Variants in PPFIBP2 observed in about 807,000 individuals in gnomAD.
PPFIBP2 encodes PPFIB scaffold protein 2.
In PPFIBP2, 118 loss-of-function variants were observed where a neutral mutation model predicts 118.3. That is an observed-to-expected ratio of 1.00 (90% CI 0.86 to 1.16). The LOEUF (loss-of-function observed/expected upper bound fraction) is 1.16, where lower values mean the gene tolerates loss of function less well. Among genes scored for constraint, PPFIBP2 ranks in the 50% most tolerant of loss-of-function variants. The pLI, the probability that PPFIBP2 is intolerant of heterozygous loss-of-function variation, is 0.00. For synonymous variants in PPFIBP2, 414 were observed against 397.4 expected (o/e 1.04, Z -0.50); for missense variants, 1,195 against 1,073.1 (o/e 1.11, Z -1.59).
intron 5 of PPFIBP2, among the ~76,000 whole-genome samples, chr11:7,603,343 A>T (rs1846909394): frequency 6.6e-6 from 1 of 152,190 alleles, no homozygotes. Context: ...GTTCAGAGAG[A>T]TGATTGAGTT....
chr11:7,637,205 GTCT>G lies in PPFIBP2; in HGVS notation c.1236+1617_1236+1619del, dbSNP rs1239890165. Reference sequence around the variant, plus strand: ...CACAAGCCTTTTAAGCTGCTACTTAGTCTTCTTAGGCTCAGCGCTAGTTTCTCA... The same window carrying G: ...CACAAGCCTTTTAAGCTGCTACTTAGTCTTAGGCTCAGCGCTAGTTTCTCA... On this transcript the variant is annotated intron_variant, in intron 14 of 23. Coordinates refer to ENST00000299492, the MANE Select transcript of PPFIBP2 (RefSeq NM_003621.5). Among the ~76,000 whole-genome samples, 5 of 152,264 alleles carry G rather than the reference GTCT, an allele frequency of 3.3e-5. No individual in the cohort carries two copies. The East Asian group carries it at 9.7e-4, about 29-fold the overall frequency.
At chr11:7,604,130 G>C (rs546657377) in intron 5 of PPFIBP2, among the ~76,000 whole-genome samples, 50 of 152,278 alleles carry the variant, frequency 3.3e-4, no homozygotes, top group African/African-American at 1.2e-3. Context: ...GTGAGAATGA[G>C]ATTAAGGGCT....
chr11:7,582,026 T>C (rs1237174929), intron 3 of PPFIBP2, among the ~76,000 whole-genome samples: 1 of 151,966 alleles, frequency 6.6e-6, no homozygotes, highest in Non-Finnish European at 1.5e-5. Context: ...TTAGTAGAGA[T>C]GGGGTTTTGC....
intron 5 of PPFIBP2, among the ~76,000 whole-genome samples, chr11:7,607,036 CA>C (rs1365865975): frequency 6.7e-6 from 1 of 149,164 alleles, no homozygotes; most frequent in Admixed American, 6.7e-5. Flanking sequence ...TCAGCCTCCC[CA>C]GTAGCTGGGA....
the PPFIBP2 span, among the ~76,000 whole-genome samples, chr11:7,662,160 ATTG>A: frequency 2.0e-5 from 3 of 150,234 alleles, no homozygotes; most frequent in African/African-American, 7.3e-5. Flanking sequence ...TAAAGTTAAT[ATTG>A]TTATGTGTGA....
At position 7,625,868 on chromosome 11, in the gene PPFIBP2, A is replaced by G. The variant is rs1409077325; in HGVS notation, c.803A>G (p.His268Arg). 3.1e-6 allele frequency: 5 copies of G among 1,614,096 alleles called. No homozygotes were observed. The highest frequency in any genetic ancestry group is 4.2e-6 in the Non-Finnish European group (5 of 1,180,012). ...HSQLSRTAAL[H>R]SESHTERDQE... ...CAGCTCTCCCGGACAGCAGCTCTCC[A>G]CAGTGAGAGTCACACAGAGAGAGGT... Residue 268 changes from histidine (H) to arginine (R), a missense_variant, in exon 8 of 24, where the codon CAC becomes CGC. His to Arg is a conservative substitution (Grantham distance 29). Transcript: ENST00000299492.
downstream of PPFIBP2, among the ~76,000 whole-genome samples, chr11:7,658,236 A>G (rs113684522): frequency 4.6e-3 from 685 of 148,670 alleles, 6 homozygotes; most frequent in African/African-American, 0.017. Flanking sequence ...ATGCTGGTGC[A>G]CTGCACCCAC....
chr11:7,586,781 C>A (rs1393992653), intron 3 of PPFIBP2, among the ~76,000 whole-genome samples: 1 of 152,134 alleles, frequency 6.6e-6, no homozygotes, highest in Admixed American at 6.5e-5. Flanking sequence ...CCCAGGGATC[C>A]CCTGACTTGA....
intron 20 of PPFIBP2, 85 bp from the exon 21 acceptor site, chr11:7,649,447 G>A: frequency 6.4e-7 from 1 of 1,557,040 alleles, no homozygotes; most frequent in Non-Finnish European, 8.8e-7. Context: ...TGGTTGACTT[G>A]TCTATGCTTG....
chr11:7,590,370 C>T (rs1859018980), intron 3 of PPFIBP2, among the ~76,000 whole-genome samples: 1 of 152,058 alleles, frequency 6.6e-6, no homozygotes, highest in South Asian at 2.1e-4. Flanking sequence ...AAAAAGCTTG[C>T]TGGAGAACGG....
intron 21 of PPFIBP2, among the ~76,000 whole-genome samples, chr11:7,649,888 T>C (rs1462498362): frequency 1.3e-5 from 2 of 152,086 alleles, no homozygotes; most frequent in Non-Finnish European, 2.9e-5. Flanking sequence ...ACACATGCTA[T>C]AAAGTCATCA....
intron 1 of PPFIBP2, among the ~76,000 whole-genome samples, chr11:7,521,913 G>A (rs1194812584): frequency 1.3e-5 from 2 of 152,230 alleles, no homozygotes; most frequent in Admixed American, 6.5e-5. Context: ...AGGGGGTTGG[G>A]TGGACACTGG....
rs560411642 is a variant in PPFIBP2 at position 7,547,899 on chromosome 11, C to T, written c.-36-1541C>T. ...GCTTATCTTCCTTCCCCATGCCTGC[C>T]GCCTCCAAACGAACCAGCCTCCTGA... On this transcript the variant is annotated intron_variant, in intron 1 of 23. Coordinates refer to ENST00000299492, the MANE Select transcript of PPFIBP2 (RefSeq NM_003621.5). Among the ~76,000 whole-genome samples, 243 of 152,276 alleles carry T rather than the reference C, an allele frequency of 1.6e-3. 3 individuals are homozygous for T. The highest frequency in any genetic ancestry group is 0.014 in the South Asian group (67 of 4,820).
intron 6 of PPFIBP2, among the ~76,000 whole-genome samples, chr11:7,620,109 G>T (rs1334761676): frequency 6.6e-6 from 1 of 152,118 alleles, no homozygotes; most frequent in East Asian, 1.9e-4. Flanking sequence ...TTGAATTCCA[G>T]CTCCACCACT....
At chr11:7,562,499 G>A (rs1284297696) in intron 2 of PPFIBP2, among the ~76,000 whole-genome samples, 1 of 152,104 alleles carries the variant, frequency 6.6e-6, no homozygotes, top group Non-Finnish European at 1.5e-5. Flanking sequence ...TATCATTTCT[G>A]TCATATTCTA....
intron 14 of PPFIBP2, among the ~76,000 whole-genome samples, chr11:7,639,048 C>G (rs548018331): frequency 2.0e-5 from 3 of 152,290 alleles, no homozygotes; most frequent in African/African-American, 7.2e-5. Context: ...AAGCCATGAT[C>G]ACAATATAGG....
intron 1 of PPFIBP2, among the ~76,000 whole-genome samples, chr11:7,533,581 G>A (rs2134364292): frequency 6.6e-6 from 1 of 152,332 alleles, no homozygotes; most frequent in East Asian, 1.9e-4. Flanking sequence ...ATAAAGGTGT[G>A]TACCAGATAT....
chr11:7,619,870 C>T (rs945991422), intron 6 of PPFIBP2, among the ~76,000 whole-genome samples: 1 of 152,138 alleles, frequency 6.6e-6, no homozygotes, highest in Non-Finnish European at 1.5e-5. Context: ...TCCGGAGGTG[C>T]CTATGCAGCA....
intron 3 of PPFIBP2, chr11:7,571,660 C>A (rs1855662278): frequency 6.6e-6 from 1 of 152,116 alleles, no homozygotes; most frequent in South Asian, 2.1e-4. Flanking sequence ...AAAGTAGAGC[C>A]TGTGTGAGCC....
Sources: allele counts gnomAD v4.1 joint callset (sites outside exome capture counted in the v4.1 genomes callset), GRCh38; gene constraint gnomAD v4.1.1; transcripts MANE v1.5; gene names NCBI Gene and HGNC (gene_info 2026-07-23, HGNC 2026-07-21).